Variants in VPS41 observed in about 807,000 individuals in gnomAD.
The protein encoded by VPS41 is vacuolar protein sorting-associated protein 41 homolog.
A neutral mutation model predicts 130.9 loss-of-function variants in VPS41; 85 were observed. The observed-to-expected ratio is 0.65, with a 90% CI of 0.55 to 0.78. The LOEUF (loss-of-function observed/expected upper bound fraction) is 0.78, where lower values mean the gene tolerates loss of function less well. Among genes scored for constraint, VPS41 ranks in the 30% least tolerant of loss-of-function variants. VPS41 has a pLI of 0.00. For synonymous variants in VPS41, 335 were observed against 332.9 expected (o/e 1.01, Z -0.07); for missense variants, 874 against 1,018.7 (o/e 0.86, Z 1.93).
At chr7:38,755,660 AT>A (rs1479147016) in intron 19 of VPS41, among the ~76,000 whole-genome samples, 7 of 152,282 alleles carry the variant, frequency 4.6e-5, no homozygotes, top group Non-Finnish European at 1.5e-5. Context: ...GTTGGAGTAG[AT>A]TATCCCTAAG....
At chr7:38,890,942 T>C (rs994530913) in intron 2 of VPS41, among the ~76,000 whole-genome samples, 1 of 152,174 alleles carries the variant, frequency 6.6e-6, no homozygotes, top group Non-Finnish European at 1.5e-5. Context: ...CGCCTTGACC[T>C]CCCACCTCTG....
intron 25 of VPS41, among the ~76,000 whole-genome samples, chr7:38,740,601 C>T (rs993483145): frequency 8.5e-5 from 13 of 152,134 alleles, no homozygotes; most frequent in Non-Finnish European, 4.4e-5. Context: ...AAGCTTTTTG[C>T]GGAACAGGTA....
chr7:38,856,945 G>T (rs925749293), intron 4 of VPS41, among the ~76,000 whole-genome samples: 1 of 152,192 alleles, frequency 6.6e-6, no homozygotes, highest in African/African-American at 2.4e-5. Flanking sequence ...GATTAGAAAG[G>T]TGGGTTTCAC....
chr7:38,745,254 T>C (rs1350027720), intron 23 of VPS41, among the ~76,000 whole-genome samples: 1 of 152,246 alleles, frequency 6.6e-6, no homozygotes, highest in Admixed American at 6.5e-5. Context: ...AAGCTGATTA[T>C]AATTTTTTAG....
chr7:38,744,258 T>C (rs905009946), intron 23 of VPS41, among the ~76,000 whole-genome samples: 5 of 152,208 alleles, frequency 3.3e-5, no homozygotes, highest in South Asian at 2.1e-4. Flanking sequence ...ATATAGTGCA[T>C]GTAAGAAAGC....
intron 2 of VPS41, among the ~76,000 whole-genome samples, chr7:38,875,044 G>T (rs1024239603): frequency 1.3e-5 from 2 of 152,032 alleles, no homozygotes; most frequent in Non-Finnish European, 2.9e-5. Flanking sequence ...ATAAAACACA[G>T]TTGGTACCAA....
At chr7:38,809,354 A>T (rs1304013451) in intron 7 of VPS41, among the ~76,000 whole-genome samples, 1 of 146,630 alleles carries the variant, frequency 6.8e-6, no homozygotes, top group Non-Finnish European at 1.5e-5. Flanking sequence ...TGTATATTTT[A>T]TATATATATA....
chr7:38,850,903 C>T (rs556346440), intron 4 of VPS41, among the ~76,000 whole-genome samples: 1 of 152,184 alleles, frequency 6.6e-6, no homozygotes, highest in East Asian at 1.9e-4. Context: ...ACTGGTGATG[C>T]GATATAATGA....
At chr7:38,771,062 T>C in intron 14 of VPS41, 136 bp downstream of exon 14, 1 of 676,668 alleles carries the variant, frequency 1.5e-6, no homozygotes, top group Non-Finnish European at 2.5e-6. Flanking sequence ...AATATTTTGA[T>C]CTCATAGGTT....
At chr7:38,785,040 CTTATA>C (rs1784415665) in intron 10 of VPS41, among the ~76,000 whole-genome samples, 1 of 152,168 alleles carries the variant, frequency 6.6e-6, no homozygotes, top group African/African-American at 2.4e-5. Flanking sequence ...CCTTCATTGT[CTTATA>C]TTCATTTATG....
At chr7:38,857,208 C>T (rs1786006628) in intron 4 of VPS41, among the ~76,000 whole-genome samples, 1 of 152,206 alleles carries the variant, frequency 6.6e-6, no homozygotes, top group African/African-American at 2.4e-5. Flanking sequence ...CCACCTCTGC[C>T]TCAAGAGTTT....
intron 1 of VPS41, among the ~76,000 whole-genome samples, chr7:38,904,384 T>A (rs572884154): frequency 1.4e-4 from 21 of 152,350 alleles, no homozygotes; most frequent in African/African-American, 4.8e-4. Flanking sequence ...AGTTACATGA[T>A]GGGAAAGAGT....
intron 5 of VPS41, among the ~76,000 whole-genome samples, chr7:38,821,706 C>CA (rs10669199): frequency 0.33 from 39,225 of 117,468 alleles, 7,172 homozygotes; most frequent in Non-Finnish European, 0.38. Context: ...GACTCCGTCT[C>CA]AAAAAAAAAA....
intron 25 of VPS41, chr7:38,741,330 G>C (rs1010981614): frequency 2.9e-6 from 1 of 349,602 alleles, no homozygotes; most frequent in Non-Finnish European, 5.7e-6. Context: ...GAAGTTACCA[G>C]CATCCTGAAA....
In VPS41 at chr7:38,756,990, T is replaced by A; in HGVS notation, c.1551-8A>T. ...TTCTTGTCATAGGTGTACCTGGTAA[T>A]ACAAATTTTTTACATTAATATTCAT... On this transcript the variant is annotated splice_region_variant and splice_polypyrimidine_tract_variant and intron_variant, in intron 18 of 28. Coordinates refer to ENST00000310301, the MANE Select transcript of VPS41 (RefSeq NM_014396.4). The A allele has an allele frequency of 5.1e-6, 8 of 1,576,848 alleles. No homozygotes were observed. The highest frequency in any genetic ancestry group is 7.0e-6 in the Non-Finnish European group (8 of 1,150,640).
At chr7:38,884,193 A>G (rs200860314) in intron 2 of VPS41, among the ~76,000 whole-genome samples, 1 of 152,238 alleles carries the variant, frequency 6.6e-6, no homozygotes. Context: ...TGATTTAAAA[A>G]GCTATCTCCT....
chr7:38,743,496 T>C lies in VPS41; in HGVS notation c.2028A>G (p.Glu676=). The C allele has an allele frequency of 2.5e-6, 4 of 1,614,022 alleles. No individual in the cohort carries two copies. The South Asian group carries it at 4.4e-5, about 18-fold the overall frequency. ...CGATTGCTTTATCAACATCATGTAA[T>C]TCCTCCATAATCATCTTCAGGGCAC... ...SRSALKMIME[E]LHDVDKAIEF... Residue 676 remains glutamate, a synonymous_variant, in exon 24 of 29, where the codon GAA becomes GAG. Coordinates refer to ENST00000310301, the MANE Select transcript of VPS41 (RefSeq NM_014396.4).
intron 5 of VPS41, among the ~76,000 whole-genome samples, chr7:38,821,562 A>G (rs1458412238): frequency 6.6e-6 from 1 of 152,078 alleles, no homozygotes; most frequent in East Asian, 1.9e-4. Context: ...TATGAAAATT[A>G]GCCAGGCATG....
intron 4 of VPS41, among the ~76,000 whole-genome samples, chr7:38,848,565 C>T (rs947039770): frequency 6.6e-6 from 1 of 152,170 alleles, no homozygotes; most frequent in Non-Finnish European, 1.5e-5. Context: ...CTTCTGATAA[C>T]GACTAATGTT....
Sources: allele counts gnomAD v4.1 joint callset (sites outside exome capture counted in the v4.1 genomes callset), GRCh38; gene constraint gnomAD v4.1.1; transcripts MANE v1.5; gene names NCBI Gene and HGNC (gene_info 2026-07-23, HGNC 2026-07-21).